Variants in NCOR1 observed in about 807,000 individuals in gnomAD.
NCOR1 encodes nuclear receptor corepressor 1, also known as protein phosphatase 1, regulatory subunit 109.
In NCOR1, 63 loss-of-function variants were observed where a neutral mutation model predicts 288.1. That is an observed-to-expected ratio of 0.22 (90% CI 0.18 to 0.27). NCOR1 has a LOEUF of 0.27. Among genes scored for constraint, NCOR1 ranks in the 10% least tolerant of loss-of-function variants. The pLI is 1.00. For synonymous variants in NCOR1, 1,007 were observed against 1,065.9 expected, an observed-to-expected ratio of 0.94 and a Z score of 1.08; for missense variants, 2,397 against 3,019.2, an observed-to-expected ratio of 0.79 and a Z score of 4.83.
chr17:16,121,259 T>C lies in NCOR1; in HGVS notation c.1645A>G (p.Lys549Glu), dbSNP rs1017904698. Residue 549 changes from lysine (K) to glutamate (E), a missense_variant, in exon 16 of 46, where the codon AAG becomes GAG. By Grantham distance (56) the Lys-to-Glu change is moderately conservative (BLOSUM62 1). Around this residue, in one of 11 missense-constraint regions of NCOR1, gnomAD observed 113 missense variants for 139.5 expected, o/e 0.81. Coordinates refer to ENST00000268712, the MANE Select transcript of NCOR1 (RefSeq NM_006311.4). The part of the protein sequence containing the change: ...DEKEDSKENT[K>E]EKDKIDGTAE... Reference sequence around the variant, plus strand: ...GTACCATCTATCTTGTCCTTTTCCTTGGTATTTTCTCTGGACACAAAAGCA... The same window carrying C: ...GTACCATCTATCTTGTCCTTTTCCTCGGTATTTTCTCTGGACACAAAAGCA... The C allele has an allele frequency of 6.2e-7, 1 of 1,613,012 alleles. No individual in the cohort carries two copies. Among genetic ancestry groups the C allele is most frequent in the Non-Finnish European group, 8.5e-7 (1 of 1,179,650 alleles).
intron 21 of NCOR1, among the ~76,000 whole-genome samples, chr17:16,094,678 C>T (rs1156442445): frequency 1.3e-5 from 2 of 152,160 alleles, no homozygotes; most frequent in African/African-American, 2.4e-5. Context: ...GATTCTCCTG[C>T]CTCAGCCTGC....
chr17:16,205,608 C>T (rs866318081), intron 1 of NCOR1, among the ~76,000 whole-genome samples: 34 of 140,772 alleles, frequency 2.4e-4, no homozygotes, highest in African/African-American at 8.9e-4. Context: ...GCAACAAGAG[C>T]GAGGCTCTGT....
At chr17:16,134,350 T>C (rs2076085273) in intron 14 of NCOR1, among the ~76,000 whole-genome samples, 1 of 151,970 alleles carries the variant, frequency 6.6e-6, no homozygotes, top group African/African-American at 2.4e-5. Context: ...GGAGGAAAAA[T>C]CTTCAAAGCA....
At chr17:16,065,133 A>C in intron 33 of NCOR1, 114 bp from the exon 34 acceptor site, 1 of 980,270 alleles carries the variant, frequency 1.0e-6, no homozygotes, top group South Asian at 1.8e-5. Flanking sequence ...ACATAATATA[A>C]ATAAAAATGT....
In NCOR1 at chr17:16,029,684, T is replaced by A. The variant is rs940744806; in HGVS notation, c.*2612A>T. 1.3e-5 allele frequency: 2 copies of A among 154,948 alleles called. No individual in the cohort carries two copies. The highest frequency in any genetic ancestry group is 4.8e-5 in the African/African-American group (2 of 41,488). The allele number at this position is 154,948 out of a possible 1,614,324, so 9.6% of individuals were successfully genotyped here. On this transcript the variant is annotated 3_prime_UTR_variant, in exon 46 of 46. Coordinates refer to ENST00000268712, the MANE Select transcript of NCOR1 (RefSeq NM_006311.4). ...ACAGTAAGTTGTCAGTGCTGCTCTG[T>A]GCTTACCACTTAAATCATGATAAGG... is the stretch of plus-strand genomic sequence containing the variant.
At chr17:16,194,208 G>A (rs1040125800) in intron 2 of NCOR1, among the ~76,000 whole-genome samples, 14 of 152,120 alleles carry the variant, frequency 9.2e-5, no homozygotes, top group Admixed American at 2.0e-4. Context: ...TAGAGAATTG[G>A]TAAGTTTTCT....
Position 16,030,054 on chromosome 17 carries a change from G to A in NCOR1, c.*2242C>T, listed in dbSNP as rs984285244. 5.7e-6 allele frequency: 1 copy of A among 175,336 alleles called. No individual in the cohort carries two copies. The highest frequency in any genetic ancestry group is 6.4e-5 in the Admixed American group (1 of 15,744). The allele number at this position is 175,336 out of a possible 1,614,324, so 10.9% of individuals were successfully genotyped here. Reference sequence around the variant, plus strand: ...CTCCTCCAAAACTTAACTACTCATGGCCTACTGCTGACCAGAAGTCTTACG... The same window carrying A: ...CTCCTCCAAAACTTAACTACTCATGACCTACTGCTGACCAGAAGTCTTACG... On this transcript the variant is annotated 3_prime_UTR_variant, in exon 46 of 46. Transcript: ENST00000268712.
chr17:16,168,663 A>C (rs2082506296), intron 4 of NCOR1, among the ~76,000 whole-genome samples: 1 of 152,222 alleles, frequency 6.6e-6, no homozygotes, highest in African/African-American at 2.4e-5. Context: ...GAATGTATAC[A>C]AAAAAATCAA....
intron 42 of NCOR1, 180 bp from the exon 43 acceptor site, chr17:16,040,674 A>G: frequency 1.6e-6 from 1 of 636,810 alleles, no homozygotes; most frequent in East Asian, 3.1e-5. Flanking sequence ...ACAGGGTCTC[A>G]CTCTGTTGCC....
At chr17:16,129,538 T>C (rs182270789) in intron 14 of NCOR1, among the ~76,000 whole-genome samples, 1 of 152,308 alleles carries the variant, frequency 6.6e-6, no homozygotes, top group African/African-American at 2.4e-5. Context: ...ATTTAAACTT[T>C]CAAACCATGA....
rs1240390887 is a variant in NCOR1 at position 16,194,454 on chromosome 17, T to C, written c.108+8A>G. On this transcript the variant is annotated splice_region_variant and intron_variant, in intron 2 of 45. Transcript: ENST00000268712. ...ACATGTGCAATTTGCATACTATCTGTTCCTTACCTGCTGGTGGCGGGTGTT... is the reference window on the plus strand; with the variant it reads ...ACATGTGCAATTTGCATACTATCTGCTCCTTACCTGCTGGTGGCGGGTGTT... The C allele has an allele frequency of 1.3e-6, 2 of 1,568,554 alleles. No individual in the cohort carries two copies. The highest frequency in any genetic ancestry group is 1.7e-4 in the Middle Eastern group (1 of 6,008).
intron 2 of NCOR1, among the ~76,000 whole-genome samples, chr17:16,192,600 G>A (rs1028416064): frequency 1.3e-5 from 2 of 152,178 alleles, no homozygotes; most frequent in Non-Finnish European, 1.5e-5. Context: ...AGGATGCAGT[G>A]AGCTCAGATG....
Position 16,059,531 on chromosome 17 carries a change from C to T in NCOR1, c.5882-932G>A, listed in dbSNP as rs77582211. On this transcript the variant is annotated intron_variant, in intron 37 of 45. Transcript: ENST00000268712. ...TACCCACATCAGAAAAGGACCTCCTCTAAGACACAGTTCCCAAGTAAACAG... is the reference window on the plus strand; with the variant it reads ...TACCCACATCAGAAAAGGACCTCCTTTAAGACACAGTTCCCAAGTAAACAG... Among the ~76,000 whole-genome samples, 998 of 152,304 alleles carry T rather than the reference C, an allele frequency of 6.6e-3. 13 individuals carry two copies. Among genetic ancestry groups the T allele is most frequent in the African/African-American group, 0.023 (964 of 41,564 alleles).
At chr17:16,202,059 A>G (rs907385894) in intron 1 of NCOR1, among the ~76,000 whole-genome samples, 1 of 151,976 alleles carries the variant, frequency 6.6e-6, no homozygotes, top group Non-Finnish European at 1.5e-5. Context: ...CCCCATCTCT[A>G]CCAAAAATAC....
At chr17:16,105,143 A>G (rs185744897) in intron 19 of NCOR1, among the ~76,000 whole-genome samples, 8 of 152,348 alleles carry the variant, frequency 5.3e-5, no homozygotes, top group Admixed American at 5.2e-4. Flanking sequence ...CTGAGATGGG[A>G]AAGTATTACA....
chr17:16,060,269 T>C (rs768538603), intron 37 of NCOR1, among the ~76,000 whole-genome samples: 2 of 152,216 alleles, frequency 1.3e-5, no homozygotes, highest in Non-Finnish European at 2.9e-5. Context: ...AGCTTTCTAT[T>C]TTCACACCTT....
In NCOR1 at chr17:16,086,369, G is replaced by A. The variant is rs769981932; in HGVS notation, c.3090C>T (p.Thr1030=). 24 of 1,614,108 alleles carry A rather than the reference G, an allele frequency of 1.5e-5. No individual in the cohort carries two copies. The South Asian group carries it at 2.0e-4, about 13-fold the overall frequency. Residue 1030 remains threonine (T), a synonymous_variant, in exon 23 of 46, where the codon ACC becomes ACT. Transcript: ENST00000268712. The part of the protein sequence containing the change: ...EGVRLPTTRP[T]RPPPPLIPSS... The stretch of plus-strand genomic sequence containing the variant: ...ACGGGATGAGAGGGGGCGGTGGCCT[G>A]GTTGGTCGAGTTGTCGGAAGCCGAA...
At chr17:16,178,341 T>A (rs952394147) in intron 3 of NCOR1, among the ~76,000 whole-genome samples, 7 of 150,812 alleles carry the variant, frequency 4.6e-5, no homozygotes, top group Non-Finnish European at 3.0e-5. Context: ...CTGCTAAAAA[T>A]ACAAAGAATC....
intron 5 of NCOR1, among the ~76,000 whole-genome samples, chr17:16,160,693 G>A (rs1053633125): frequency 6.6e-5 from 10 of 152,172 alleles, no homozygotes; most frequent in Admixed American, 2.6e-4. Context: ...TCAGGAGGCC[G>A]AGGCAGAAGA....
Sources: gnomAD v4.1 joint callset for allele counts (sites outside exome capture counted in the v4.1 genomes callset) on GRCh38, gnomAD v4.1.1 for gene constraint, gnomAD v4.1.1 regional missense constraint, MANE v1.5 for transcripts, NCBI Gene and HGNC (gene_info 2026-07-23, HGNC 2026-07-21) for gene names.